PTPN3: variants seen among roughly 807,000 people sequenced by gnomAD.
PTPN3 encodes protein tyrosine phosphatase non-receptor type 3.
A neutral mutation model predicts 132.7 loss-of-function variants in PTPN3; 96 were observed. The ratio of observed to expected loss-of-function variants is 0.72; its 90% CI spans 0.61 to 0.86. PTPN3 has a LOEUF of 0.86. PTPN3 is among the 40% of genes least tolerant of loss of function. PTPN3 has a pLI of 0.00. For missense variants in PTPN3, 1,125 were observed against 1,159.6 expected, an observed-to-expected ratio of 0.97 and a Z score of 0.43; for synonymous variants, 398 against 429.0, an observed-to-expected ratio of 0.93 and a Z score of 0.89.
intron 10 of PTPN3, among the ~76,000 whole-genome samples, chr9:109,430,325 C>T (rs3793530): frequency 0.028 from 4,230 of 152,238 alleles, 98 homozygotes; most frequent in East Asian, 0.13. Context: ...TTACTCCCCC[C>T]ACCCCTGGCT....
chr9:109,492,498 T>G (rs1302802958), intron 1 of PTPN3, among the ~76,000 whole-genome samples: 1 of 152,108 alleles, frequency 6.6e-6, no homozygotes, highest in Non-Finnish European at 1.5e-5. Flanking sequence ...GGGTCAGGGG[T>G]CTGACCACAA....
rs1839861920 is a variant in PTPN3 at position 109,389,312 on chromosome 9, C to A, written c.2174G>T (p.Cys725Phe). 2.5e-6 allele frequency: 4 copies of A among 1,614,182 alleles called. No homozygotes were observed. The South Asian group carries it at 3.3e-5, about 13-fold the overall frequency. The change falls in exon 22 of 26, where the codon TGT (cysteine) becomes TTT (phenylalanine). Residue 725 changes from cysteine to phenylalanine, a missense_variant. Cys to Phe is a radical substitution (Grantham distance 205). Coordinates refer to ENST00000374541, the MANE Select transcript of PTPN3 (RefSeq NM_002829.4). ...IATQGPLPHT[C>F]AQFWQVVWDQ... The stretch of plus-strand genomic sequence containing the variant: ...CCAGACAACCTGCCAAAACTGTGCA[C>A]AGGTATGCGGCAGGGGCCCCTGAGT...
intron 1 of PTPN3, among the ~76,000 whole-genome samples, chr9:109,490,209 A>T (rs893523062): frequency 2.6e-5 from 4 of 151,846 alleles, no homozygotes; most frequent in African/African-American, 4.8e-5. Flanking sequence ...AAACAAAACA[A>T]AAAAAACCCC....
At chr9:109,413,433 G>A (rs893178107) in intron 14 of PTPN3, among the ~76,000 whole-genome samples, 1 of 152,220 alleles carries the variant, frequency 6.6e-6, no homozygotes, top group African/African-American at 2.4e-5. Flanking sequence ...ATGAGGAGAT[G>A]CAATGAGTAA....
At chr9:109,513,862 A>C in the PTPN3 span, among the ~76,000 whole-genome samples, 1 of 152,176 alleles carries the variant, frequency 6.6e-6, no homozygotes, top group Non-Finnish European at 1.5e-5. Context: ...ATGTAAATAT[A>C]ATATTTGATG....
chr9:109,381,790 G>A lies in PTPN3; in HGVS notation c.2529-3C>T, dbSNP rs199954517. ...CACCGGTTCGACCTATTCCAGCACT[G>A]GAGAGGGGAGAGAAGACAGACTTGG... On this transcript the variant is annotated splice_region_variant and splice_polypyrimidine_tract_variant and intron_variant, in intron 24 of 25. Transcript: ENST00000374541. The A allele has an allele frequency of 5.0e-6, 8 of 1,614,222 alleles. No homozygotes were observed. In the East Asian group the frequency reaches 8.9e-5, roughly 18 times the overall value.
At position 109,445,250 on chromosome 9, in the gene PTPN3, A is replaced by G. The variant is rs766732890; in HGVS notation, c.456T>C (p.Tyr152=). The change falls in exon 7 of 26, where the codon TAT becomes TAC. Residue 152 remains tyrosine (Y), a synonymous_variant. Transcript: ENST00000374541. ...PLNSAVVLAS[Y]AVQSHFGDYN... ...CCCTTTGTGACTTACATTGTACGGC[A>G]TAGGACGCTAGAACCACTGCTGAGT... 1.2e-6 allele frequency: 2 copies of G among 1,613,668 alleles called. No homozygotes were observed. The highest frequency in any genetic ancestry group is 2.2e-5 in the South Asian group (2 of 91,078).
At position 109,427,101 on chromosome 9, in the gene PTPN3, C is replaced by T. The variant is rs1432707870; in HGVS notation, c.850G>A (p.Val284Met). Residue 284 changes from valine (V) to methionine (M), a missense_variant, in exon 12 of 26, where the codon GTG (valine) becomes ATG (methionine). Val to Met is a conservative substitution (Grantham distance 21). Coordinates refer to ENST00000374541, the MANE Select transcript of PTPN3 (RefSeq NM_002829.4). ...CGGTAATTCAGCATGTTGAAGGCCA[C>T]AATATGTTCCCTGGATTCAGCCTGG... ...QKQAESREHI[V>M]AFNMLNYRSC... 1 of 1,614,108 alleles carries T rather than the reference C, an allele frequency of 6.2e-7. No individual in the cohort carries two copies. Among genetic ancestry groups the T allele is most frequent in the Admixed American group, 1.7e-5 (1 of 60,022 alleles).
chr9:109,532,842 G>T, the PTPN3 span: 6 of 1,045,290 alleles, frequency 5.7e-6, no homozygotes, highest in Admixed American at 3.6e-5. Flanking sequence ...ACTCAGCCCC[G>T]CCCTGCTTAG....
chr9:109,408,288 A>T (rs1418162661), intron 17 of PTPN3, 33 bp downstream of exon 17: 1 of 1,489,748 alleles, frequency 6.7e-7, no homozygotes, highest in Non-Finnish European at 9.1e-7. Flanking sequence ...AAACAAACAA[A>T]CACGAGGAAT....
At position 109,384,877 on chromosome 9, in the gene PTPN3, C is replaced by T. The variant is rs1839439968; in HGVS notation, c.2254-1326G>A. 2.6e-5 allele frequency among the ~76,000 whole-genome samples: 4 copies of T among 152,170 alleles called. 1 individual carries two copies. The highest frequency in any genetic ancestry group is 2.6e-4 in the Admixed American group (4 of 15,276). The stretch of plus-strand genomic sequence containing the variant: ...CTGGAGTTAAGAATTTACTTGGAAA[C>T]CTTAAACATGGGTAATTTTGGTTAG... On this transcript the variant is annotated intron_variant, in intron 22 of 25. Transcript: ENST00000374541.
the PTPN3 span, among the ~76,000 whole-genome samples, chr9:109,517,646 T>A: frequency 1.3e-5 from 2 of 152,340 alleles, 1 homozygote; most frequent in East Asian, 3.9e-4. Context: ...CCAGGAAGTC[T>A]GCTTTTGAAA....
At chr9:109,463,586 CA>C in intron 1 of PTPN3, 135 bp from the exon 2 acceptor site, 2 of 713,330 alleles carry the variant, frequency 2.8e-6, no homozygotes, top group Non-Finnish European at 2.1e-6. Context: ...CATAGCAGAT[CA>C]TGTTTCCAAT....
intron 19 of PTPN3, among the ~76,000 whole-genome samples, chr9:109,402,738 C>T (rs1273438207): frequency 6.7e-6 from 1 of 149,574 alleles, no homozygotes; most frequent in Non-Finnish European, 1.5e-5. Context: ...TGCATAAGTA[C>T]ATAATTTTTG....
chr9:109,443,767 G>A (rs535969215), intron 7 of PTPN3, among the ~76,000 whole-genome samples: 1 of 152,204 alleles, frequency 6.6e-6, no homozygotes, highest in African/African-American at 2.4e-5. Flanking sequence ...AGAAGGGAAG[G>A]TTCAAATCCA....
At chr9:109,480,376 G>A (rs1846902121) in intron 1 of PTPN3, among the ~76,000 whole-genome samples, 1 of 152,012 alleles carries the variant, frequency 6.6e-6, no homozygotes. Context: ...TGTTGCCCAG[G>A]CTCATCTTGA....
the PTPN3 span, among the ~76,000 whole-genome samples, chr9:109,520,226 T>C: frequency 2.6e-5 from 4 of 151,862 alleles, no homozygotes; most frequent in East Asian, 7.7e-4. Context: ...TAGATTTATC[T>C]AGAGCCCATG....
chr9:109,533,008 T>G, the PTPN3 span: 4 of 437,280 alleles, frequency 9.1e-6, no homozygotes, highest in African/African-American at 2.4e-5. Context: ...CAGGCTGGAG[T>G]GCAATGGCGC....
In PTPN3 at chr9:109,457,276, T is replaced by A. The variant is rs750618975; in HGVS notation, c.246+16A>T. On this transcript the variant is annotated intron_variant, in intron 3 of 25. Coordinates refer to ENST00000374541, the MANE Select transcript of PTPN3 (RefSeq NM_002829.4). ...CCGTGAAGGAGTTCAGCACATTTTT[T>A]AAAAATGGCACTTACAGGAGAGTCC... The A allele has an allele frequency of 1.7e-5, 28 of 1,612,250 alleles. No homozygotes were observed. The highest frequency in any genetic ancestry group is 1.2e-4 in the African/African-American group (9 of 74,846).
Sources: allele counts gnomAD v4.1 joint callset (sites outside exome capture counted in the v4.1 genomes callset), GRCh38; gene constraint gnomAD v4.1.1; transcripts MANE v1.5; gene names NCBI Gene and HGNC (gene_info 2026-07-23, HGNC 2026-07-21).